Variants in TMEM108 observed in about 807,000 individuals in gnomAD.
TMEM108 encodes cancer/testis antigen 124.
A neutral mutation model predicts 35.1 loss-of-function variants in TMEM108; 12 were observed. That is an observed-to-expected ratio of 0.34 (90% CI 0.22 to 0.55). The LOEUF is 0.55. Ranked by LOEUF, TMEM108 falls within the 20% of genes least tolerant of loss-of-function variation. TMEM108 has a pLI of 0.89. For synonymous variants in TMEM108, 287 were observed against 308.6 expected (o/e 0.93, Z 0.73); for missense variants, 680 against 753.3 (o/e 0.90, Z 1.14).
At chr3:133,374,336 G>A (rs2072767893) in intron 3 of TMEM108, among the ~76,000 whole-genome samples, 1 of 151,950 alleles carries the variant, frequency 6.6e-6, no homozygotes, top group Non-Finnish European at 1.5e-5. Flanking sequence ...CTGTTAAAAG[G>A]GTTTAAAACA....
intron 3 of TMEM108, among the ~76,000 whole-genome samples, chr3:133,266,675 G>A (rs1946700716): frequency 6.6e-6 from 1 of 152,170 alleles, no homozygotes; most frequent in African/African-American, 2.4e-5. Flanking sequence ...CAGTCAGTCA[G>A]TGAGTGGTGT....
chr3:133,311,235 G>A (rs887652841), intron 3 of TMEM108, among the ~76,000 whole-genome samples: 19 of 152,102 alleles, frequency 1.2e-4, no homozygotes, highest in African/African-American at 4.3e-4. Flanking sequence ...GGTGTTTTCT[G>A]TATTTCCTGA....
At chr3:133,091,888 T>A (rs1943951038) in intron 2 of TMEM108, among the ~76,000 whole-genome samples, 1 of 152,178 alleles carries the variant, frequency 6.6e-6, no homozygotes, top group African/African-American at 2.4e-5. Flanking sequence ...ACCATCATGG[T>A]AGCATAAGAG....
At chr3:133,373,340 C>A (rs1337400174) in intron 3 of TMEM108, among the ~76,000 whole-genome samples, 2 of 130,324 alleles carry the variant, frequency 1.5e-5, no homozygotes, top group East Asian at 2.2e-4. Flanking sequence ...CAGAGTGAGA[C>A]CTTGTCTCAA....
chr3:133,344,414 T>TAA (rs1334517743), intron 3 of TMEM108, among the ~76,000 whole-genome samples: 1 of 151,716 alleles, frequency 6.6e-6, no homozygotes, highest in East Asian at 1.9e-4. Flanking sequence ...TAGAAATACT[T>TAA]AAGGCATAAG....
intron 2 of TMEM108, among the ~76,000 whole-genome samples, chr3:133,047,387 G>C (rs1410957916): frequency 6.6e-6 from 1 of 152,164 alleles, no homozygotes; most frequent in Admixed American, 6.5e-5. Context: ...CTGGTATGTT[G>C]CTGTGTAAAT....
At chr3:133,314,095 A>G (rs2071167715) in intron 3 of TMEM108, among the ~76,000 whole-genome samples, 1 of 152,164 alleles carries the variant, frequency 6.6e-6, no homozygotes, top group African/African-American at 2.4e-5. Flanking sequence ...TCATGAATAA[A>G]TGGATGGAGC....
intron 3 of TMEM108, among the ~76,000 whole-genome samples, chr3:133,373,522 G>A (rs926102169): frequency 6.6e-6 from 1 of 152,112 alleles, no homozygotes; most frequent in Non-Finnish European, 1.5e-5. Flanking sequence ...AACCCTGTGT[G>A]TAGCTGTGTG....
At chr3:133,043,635 T>C (rs1160546038) in intron 1 of TMEM108, among the ~76,000 whole-genome samples, 2 of 152,178 alleles carry the variant, frequency 1.3e-5, no homozygotes, top group Non-Finnish European at 2.9e-5. Flanking sequence ...CAATCTGACT[T>C]GATTTCCAGA....
At chr3:133,070,741 A>ATGTG (rs1354545717) in intron 2 of TMEM108, among the ~76,000 whole-genome samples, 2 of 86,186 alleles carry the variant, frequency 2.3e-5, no homozygotes, top group South Asian at 3.9e-4. Context: ...GCTTTCTCTG[A>ATGTG]TGTATGTGTG....
rs552581392 is a variant in TMEM108, at chr3:133,068,187, T to C, written c.-47+22167T>C. 4.6e-5 allele frequency among the ~76,000 whole-genome samples: 7 copies of C among 152,246 alleles called. No homozygotes were observed. The South Asian group carries it at 1.5e-3, about 32-fold the overall frequency. Reference sequence around the variant, plus strand: ...ACACTGTTGCATTGGGGATTAAGTTTCCCACATGAACTTAGGAGAACATAC... The same window carrying C: ...ACACTGTTGCATTGGGGATTAAGTTCCCCACATGAACTTAGGAGAACATAC... On this transcript the variant is annotated intron_variant, in intron 2 of 5. Transcript: ENST00000321871.
In TMEM108 at chr3:133,380,937, C is replaced by T. The variant is rs2072994179; in HGVS notation, c.1226C>T (p.Thr409Ile). ...AAGGAGGAGACTGTGGCCACCCTCA[C>T]CATGACCGACCGGGTGCCCAGTCCT... ...GAKEETVATL[T>I]MTDRVPSPLS... Residue 409 changes from threonine (T) to isoleucine (I), a missense_variant, in exon 4 of 6, where the codon ACC becomes ATC. Thr to Ile is a moderately conservative substitution (Grantham distance 89). Around this residue, in one of 3 missense-constraint regions of TMEM108, gnomAD observed 526 missense variants for 532.1 expected, o/e 0.99. Transcript: ENST00000321871. This position sits in a 1 kb window ranked among gnomAD's most constrained non-coding sequence, Gnocchi z 5.3. 3.7e-6 allele frequency: 6 copies of T among 1,614,082 alleles called. No individual in the cohort carries two copies. The highest frequency in any genetic ancestry group is 1.7e-5 in the Admixed American group (1 of 60,010).
intron 2 of TMEM108, among the ~76,000 whole-genome samples, chr3:133,209,152 G>T (rs1414101937): frequency 2.0e-5 from 3 of 151,712 alleles, no homozygotes; most frequent in Non-Finnish European, 4.4e-5. Context: ...GGATCCTGCT[G>T]CCCCAGCCCC....
chr3:133,164,035 T>C (rs1944999528), intron 2 of TMEM108, among the ~76,000 whole-genome samples: 1 of 152,198 alleles, frequency 6.6e-6, no homozygotes, highest in African/African-American at 2.4e-5. Context: ...TATAACTTCC[T>C]ATCAAAGATA....
intron 2 of TMEM108, among the ~76,000 whole-genome samples, chr3:133,213,223 C>T (rs996915294): frequency 2.5e-4 from 38 of 152,182 alleles, no homozygotes; most frequent in Admixed American, 2.2e-3. Flanking sequence ...CATTATTAGC[C>T]CAGGAGAAAG....
chr3:133,384,901 A>G (rs538683350), intron 4 of TMEM108, among the ~76,000 whole-genome samples: 1 of 152,358 alleles, frequency 6.6e-6, no homozygotes, highest in East Asian at 1.9e-4. Context: ...GATGTTTGTC[A>G]TCACCAACTC....
At chr3:133,102,160 G>A (rs1944097182) in intron 2 of TMEM108, among the ~76,000 whole-genome samples, 2 of 152,150 alleles carry the variant, frequency 1.3e-5, no homozygotes, top group Non-Finnish European at 2.9e-5. Context: ...CCCTCAACTG[G>A]GAAAGCATAA....
chr3:133,357,186 A>G (rs1307610347), intron 3 of TMEM108, among the ~76,000 whole-genome samples: 1 of 152,236 alleles, frequency 6.6e-6, no homozygotes, highest in Non-Finnish European at 1.5e-5. Context: ...AAAATGTTCA[A>G]CATTACTAAT....
intron 3 of TMEM108, among the ~76,000 whole-genome samples, chr3:133,329,662 A>G (rs1030737221): frequency 3.3e-5 from 5 of 151,654 alleles, no homozygotes; most frequent in African/African-American, 1.2e-4. Flanking sequence ...CCTTTTTTTT[A>G]TTTATTTTTT....
Sources: gnomAD v4.1 joint callset for allele counts (sites outside exome capture counted in the v4.1 genomes callset) on GRCh38, gnomAD v4.1.1 for gene constraint, gnomAD v4.1.1 regional missense constraint, Gnocchi (gnomAD v3.1) non-coding constraint, MANE v1.5 for transcripts, NCBI Gene and HGNC (gene_info 2026-07-23, HGNC 2026-07-21) for gene names.